Variants in UBR1 observed in about 807,000 individuals in gnomAD.
The protein encoded by UBR1 is E3 ubiquitin-protein ligase UBR1.
UBR1 carries 102 observed loss-of-function variants against 242.1 expected under a neutral mutation model. That is an observed-to-expected ratio of 0.42 (90% CI 0.36 to 0.50). UBR1 has a LOEUF of 0.50. Ranked by LOEUF, UBR1 falls within the 20% of genes least tolerant of loss-of-function variation. UBR1 has a pLI of 0.01. For missense variants in UBR1, 1,772 were observed against 2,101.8 expected (o/e 0.84, Z 3.07); for synonymous variants, 675 against 684.8 (o/e 0.99, Z 0.22).
chr15:42,986,577 A>G (rs1186660569), intron 35 of UBR1, among the ~76,000 whole-genome samples: 1 of 152,228 alleles, frequency 6.6e-6, no homozygotes, highest in Admixed American at 6.5e-5. Flanking sequence ...AATGCTTTAC[A>G]TTTCTTATCA....
intron 4 of UBR1, among the ~76,000 whole-genome samples, chr15:43,074,588 C>T (rs1280018960): frequency 6.6e-6 from 1 of 152,052 alleles, no homozygotes; most frequent in Non-Finnish European, 1.5e-5. Context: ...TGCCACCACA[C>T]CTGGCTAATT....
chr15:43,060,238 A>G (rs775277734), intron 6 of UBR1, 124 bp from the exon 7 acceptor site: 8 of 893,950 alleles, frequency 8.9e-6, no homozygotes, highest in African/African-American at 1.6e-5. Flanking sequence ...TAAAAGTTGT[A>G]AGATACCGGA....
chr15:43,056,226 A>G (rs2033618031), intron 11 of UBR1, 118 bp downstream of exon 11: 3 of 838,912 alleles, frequency 3.6e-6, no homozygotes, highest in Middle Eastern at 5.3e-4. Flanking sequence ...TAAAGTATTC[A>G]CATAGCCCAA....
chr15:43,069,308 G>A lies in UBR1; in HGVS notation c.660-1272C>T, dbSNP rs373201791. Among the ~76,000 whole-genome samples the A allele has an allele frequency of 4.7e-5, 7 of 148,256 alleles. No individual in the cohort carries two copies. The East Asian group carries it at 1.2e-3, about 25-fold the overall frequency. On this transcript the variant is annotated intron_variant, in intron 5 of 46. Transcript: ENST00000290650. ...TTTTTTTTTTTTTTGAGACGGTCTC[G>A]CTCTGTCACCCAGGCTGGAGTGCAG...
Position 43,038,222 on chromosome 15 carries a change from T to G in UBR1, c.1860A>C (p.Val620=). Reference sequence around the variant, plus strand: ...AAACAGCACCCAGCCTGCTTAAACGTACATGAAGACCTAAAGTTAAAAAAA... The same window carrying G: ...AAACAGCACCCAGCCTGCTTAAACGGACATGAAGACCTAAAGTTAAAAAAA... ...PLSRTLAGLH[V]RLSRLGAVSR... is the part of the protein sequence containing the mutation. Residue 620 remains valine, a synonymous_variant, in exon 16 of 47, where the codon GTA becomes GTC. Transcript: ENST00000290650. The G allele has an allele frequency of 1.2e-6, 2 of 1,614,016 alleles. No homozygotes were observed. Among genetic ancestry groups the G allele is most frequent in the Non-Finnish European group, 1.7e-6 (2 of 1,179,968 alleles).
chr15:43,102,450 C>G (rs996433148), intron 1 of UBR1, among the ~76,000 whole-genome samples: 17 of 152,138 alleles, frequency 1.1e-4, no homozygotes, highest in African/African-American at 3.9e-4. Flanking sequence ...GAACTGAATA[C>G]ATACAAATGG....
Position 43,002,644 on chromosome 15 carries a change from C to A in UBR1, c.3570G>T (p.Leu1190Phe), listed in dbSNP as rs1426906183. ...GAGGGCAAAGATATTCTCCACTTTCCAAGTCAAAAAGGTCAACATGAATGC... is the reference window on the plus strand; with the variant it reads ...GAGGGCAAAGATATTCTCCACTTTCAAAGTCAAAAAGGTCAACATGAATGC... ...QQRIHVDLFD[L>F]ESGEYLCPLC... Residue 1190 changes from leucine (L) to phenylalanine (F), a missense_variant, in exon 32 of 47, where the codon TTG becomes TTT. Leu to Phe is a conservative substitution (Grantham distance 22, BLOSUM62 0). Around this residue, in one of 3 missense-constraint regions of UBR1, gnomAD observed 965 missense variants for 1,079.7 expected, o/e 0.89. Transcript: ENST00000290650. 2 of 1,614,114 alleles carry A rather than the reference C, an allele frequency of 1.2e-6. No individual in the cohort carries two copies. Among genetic ancestry groups the A allele is most frequent in the Non-Finnish European group, 1.7e-6 (2 of 1,180,034 alleles).
At chr15:42,983,364 T>C (rs2032407743) in intron 37 of UBR1, among the ~76,000 whole-genome samples, 1 of 151,646 alleles carries the variant, frequency 6.6e-6, no homozygotes. Flanking sequence ...ATTTTAAAAA[T>C]AAGGTCATGA....
Position 43,105,911 on chromosome 15 carries a change from G to T in UBR1, c.81+31C>A, listed in dbSNP as rs564397814. The T allele has an allele frequency of 6.3e-6, 10 of 1,594,904 alleles. No homozygotes were observed. The East Asian group carries it at 2.0e-4, about 32-fold the overall frequency. ...GCGCAGTAGGGAGGGACCGGGGGGA[G>T]GACAAAAGAGACTTGCCTATAGGGA... On this transcript the variant is annotated intron_variant, in intron 1 of 46. Transcript: ENST00000290650.
chr15:42,976,973 G>C, intron 38 of UBR1, 106 bp from the exon 39 acceptor site: 1 of 1,261,130 alleles, frequency 7.9e-7, no homozygotes, highest in African/African-American at 1.5e-5. Flanking sequence ...GTGTTTGTGT[G>C]TGTGTTTTTT....
chr15:42,958,634 CAT>C (rs1156474736), intron 43 of UBR1, among the ~76,000 whole-genome samples: 8 of 152,136 alleles, frequency 5.3e-5, no homozygotes, highest in African/African-American at 1.7e-4. Context: ...ATTAAGGAAA[CAT>C]ATAGAGCGGT....
intron 1 of UBR1, among the ~76,000 whole-genome samples, chr15:43,102,728 G>A (rs376459359): frequency 2.0e-5 from 3 of 152,030 alleles, no homozygotes; most frequent in East Asian, 3.9e-4. Context: ...CACCTCCTAC[G>A]TGCTTGCCTA....
chr15:43,059,710 C>T lies in UBR1; in HGVS notation c.977G>A (p.Ser326Asn), dbSNP rs1283912799. Residue 326 changes from serine (S) to asparagine (N), a missense_variant, in exon 8 of 47, where the codon AGC becomes AAC. Coordinates refer to ENST00000290650, the MANE Select transcript of UBR1 (RefSeq NM_174916.3). ...RLGSWMNKIM[S>N]YSSDFRQIFC... ...ACAGGAGGTATGCTTACTTGAATAG[C>T]TCATAATTTTGTTCATCCAGGAACC... 3.1e-6 allele frequency: 5 copies of T among 1,613,680 alleles called. No homozygotes were observed. Among genetic ancestry groups the T allele is most frequent in the African/African-American group, 1.3e-5 (1 of 74,822 alleles).
At chr15:42,982,746 T>C (rs913701610) in intron 37 of UBR1, among the ~76,000 whole-genome samples, 1 of 151,938 alleles carries the variant, frequency 6.6e-6, no homozygotes, top group Admixed American at 6.6e-5. Context: ...AAAAAAAAAA[T>C]GTCTGCTAGT....
rs761040799 is a variant in UBR1, at chr15:43,070,901, C to G, written c.553G>C (p.Glu185Gln). Residue 185 changes from glutamate to glutamine, a missense_variant, in exon 5 of 47, where the codon GAG becomes CAG. Glu to Gln is a conservative substitution (Grantham distance 29). Coordinates refer to ENST00000290650, the MANE Select transcript of UBR1 (RefSeq NM_174916.3). ...KENSRCPLNE[E>Q]VIVQARKIFP... ...ATTTTCCTGGCTTGGACAATTACCT[C>G]TTCATTCAACGGACAGCGTGAATTC... 22 of 1,613,410 alleles carry G rather than the reference C, an allele frequency of 1.4e-5. No individual in the cohort carries two copies. In the Middle Eastern group the frequency reaches 4.9e-4, roughly 36 times the overall value.
chr15:42,988,184 C>A (rs992432999), intron 35 of UBR1, among the ~76,000 whole-genome samples: 1 of 152,106 alleles, frequency 6.6e-6, no homozygotes, highest in Non-Finnish European at 1.5e-5. Flanking sequence ...TTACTGAACA[C>A]TTCTGAGTTG....
intron 44 of UBR1, among the ~76,000 whole-genome samples, chr15:42,954,965 A>C (rs991791193): frequency 6.6e-6 from 1 of 152,024 alleles, no homozygotes; most frequent in African/African-American, 2.4e-5. Flanking sequence ...TCAGGAGTTC[A>C]AGATCAGCCT....
chr15:43,096,142 C>A (rs565443280), intron 1 of UBR1, among the ~76,000 whole-genome samples: 9 of 151,084 alleles, frequency 6.0e-5, no homozygotes. Context: ...TTGGTGATTG[C>A]TAAACGTGGG....
chr15:42,994,955 T>C (rs1468113959), intron 33 of UBR1, among the ~76,000 whole-genome samples: 2 of 152,226 alleles, frequency 1.3e-5, no homozygotes, highest in Non-Finnish European at 2.9e-5. Flanking sequence ...AATCATTCCA[T>C]GATTTCTTTT....
Sources: gnomAD v4.1 joint callset for allele counts (sites outside exome capture counted in the v4.1 genomes callset) on GRCh38, gnomAD v4.1.1 for gene constraint, gnomAD v4.1.1 regional missense constraint, MANE v1.5 for transcripts, NCBI Gene and HGNC (gene_info 2026-07-23, HGNC 2026-07-21) for gene names.